The following ALDH1L2 variants were observed in gnomAD, a reference collection of about 807,000 sequenced individuals.
ALDH1L2 encodes the protein aldehyde dehydrogenase 1 family member L2.
A neutral mutation model predicts 111.0 loss-of-function variants in ALDH1L2; 91 were observed. The ratio of observed to expected loss-of-function variants is 0.82; its 90% CI spans 0.69 to 0.98. The LOEUF is 0.98. ALDH1L2 is among the 50% of genes least tolerant of loss of function. ALDH1L2 has a pLI of 0.00. For synonymous variants in ALDH1L2, 374 were observed against 392.6 expected (o/e 0.95, Z 0.56); for missense variants, 995 against 1,126.8 (o/e 0.88, Z 1.67).
intron 2 of ALDH1L2, among the ~76,000 whole-genome samples, chr12:105,071,321 C>T (rs1877672109): frequency 6.6e-6 from 1 of 151,956 alleles, no homozygotes; most frequent in African/African-American, 2.4e-5. Flanking sequence ...CTTCCTTCTC[C>T]CAAATTCACC....
intron 16 of ALDH1L2, 24 bp from the exon 17 acceptor site, chr12:105,039,830 G>A (rs749112087): frequency 1.4e-5 from 23 of 1,607,660 alleles, no homozygotes; most frequent in Non-Finnish European, 1.8e-5. Flanking sequence ...GAATAAAACG[G>A]GAATTAAAAC....
chr12:105,067,215 C>CAAAA (rs11334156), intron 4 of ALDH1L2, among the ~76,000 whole-genome samples: 66 of 96,896 alleles, frequency 6.8e-4, no homozygotes, highest in Non-Finnish European at 9.5e-4. Context: ...GACTCTGTCT[C>CAAAA]AAAAAAAAAA....
At position 105,061,038 on chromosome 12, in the gene ALDH1L2, A is replaced by G. The variant is rs768239054; in HGVS notation, c.1082T>C (p.Ile361Thr). 34 of 1,614,026 alleles carry G rather than the reference A, an allele frequency of 2.1e-5. No individual in the cohort carries two copies. Among genetic ancestry groups the G allele is most frequent in the Non-Finnish European group, 2.8e-5 (33 of 1,179,934 alleles). ...IWAGILSNVP[I>T]IEDSTDFFKS... ...AAAGAAGTCTGTTGAGTCTTCAATA[A>G]TGGGGACATTGCTTAAAATTCCAGC... The change falls in exon 9 of 23, where the codon ATT becomes ACT. Residue 361 changes from isoleucine to threonine, a missense_variant. Transcript: ENST00000258494.
Position 105,084,422 on chromosome 12 carries a change from G to A in ALDH1L2, c.15C>T (p.Gly5=), listed in dbSNP as rs1245883879. 3.3e-6 allele frequency: 5 copies of A among 1,493,086 alleles called. No homozygotes were observed. The East Asian group carries it at 1.4e-4, about 42-fold the overall frequency. The allele number at this position is 1,493,086 out of a possible 1,614,324, so 92.5% of individuals were successfully genotyped here. ...TGGAGAAGCGCCGGAGCGCCTGGCT[G>A]CCCCGCCGCAGCATGCTGGAGAGGA... The part of the protein sequence containing the change: MLRR[G]SQALRRFSTG... The change falls in exon 1 of 23, where the codon GGC becomes GGT. Residue 5 remains glycine (G), a synonymous_variant. Coordinates refer to ENST00000258494, the MANE Select transcript of ALDH1L2 (RefSeq NM_001034173.4).
intron 12 of ALDH1L2, among the ~76,000 whole-genome samples, chr12:105,051,523 T>G (rs1289669172): frequency 6.6e-6 from 1 of 152,186 alleles, no homozygotes; most frequent in Non-Finnish European, 1.5e-5. Flanking sequence ...CCTGCCTGGA[T>G]GTTTCAGTAT....
intron 9 of ALDH1L2, among the ~76,000 whole-genome samples, chr12:105,059,823 A>T (rs1876880580): frequency 6.6e-6 from 1 of 152,232 alleles, no homozygotes; most frequent in African/African-American, 2.4e-5. Context: ...TTTTATCAAG[A>T]GGAGGAACAT....
At chr12:105,028,568 A>G (rs1213317823) in intron 21 of ALDH1L2, among the ~76,000 whole-genome samples, 2 of 152,234 alleles carry the variant, frequency 1.3e-5, no homozygotes. Context: ...CCAAAATTTT[A>G]AACTTGCACA....
intron 1 of ALDH1L2, among the ~76,000 whole-genome samples, chr12:105,082,048 G>T (rs747771726): frequency 1.4e-4 from 22 of 152,100 alleles, no homozygotes; most frequent in Non-Finnish European, 2.8e-4. Flanking sequence ...ACAAAAATTA[G>T]CTGGGCATGG....
At chr12:105,024,507 C>T (rs372774195) in intron 22 of ALDH1L2, 28 bp from the exon 23 acceptor site, 3 of 1,609,114 alleles carry the variant, frequency 1.9e-6, no homozygotes, top group Non-Finnish European at 2.6e-6. Flanking sequence ...AGTTGACAGA[C>T]CACATTCAGA....
At position 105,055,256 on chromosome 12, in the gene ALDH1L2, G is replaced by A. The variant is rs191617206; in HGVS notation, c.1288-2325C>T. Among the ~76,000 whole-genome samples, 559 of 152,292 alleles carry A rather than the reference G, an allele frequency of 3.7e-3. 3 individuals are homozygous for A. The highest frequency in any genetic ancestry group is 0.012 in the African/African-American group (511 of 41,558). On this transcript the variant is annotated intron_variant, in intron 10 of 22. Coordinates refer to ENST00000258494, the MANE Select transcript of ALDH1L2 (RefSeq NM_001034173.4). ...CACAGAGCCCCCTCACAAATGCTGG[G>A]AGACTTATTGGCTCAAGGTGTCTAA...
chr12:105,068,806 A>G lies in ALDH1L2; in HGVS notation c.507T>C (p.Leu169=). The G allele has an allele frequency of 6.2e-7, 1 of 1,610,290 alleles. No individual in the cohort carries two copies. The change falls in exon 4 of 23, where the codon CTT becomes CTC. Residue 169 remains leucine, a synonymous_variant. Transcript: ENST00000258494. ...ADDGLDTGPI[L]LQRSCDVEPN... ...GTTCAACATCACATGATCTCTGAAG[A>G]AGGATGGGTCCTGTATCCAAGCCAT...
intron 21 of ALDH1L2, among the ~76,000 whole-genome samples, chr12:105,028,413 A>T (rs1345507072): frequency 1.3e-5 from 2 of 152,178 alleles, no homozygotes; most frequent in African/African-American, 4.8e-5. Flanking sequence ...GCGCCTGGCC[A>T]AGCCAGGTAT....
At chr12:105,058,743 C>T (rs1428324260) in intron 9 of ALDH1L2, among the ~76,000 whole-genome samples, 1 of 152,162 alleles carries the variant, frequency 6.6e-6, no homozygotes, top group Admixed American at 6.5e-5. Flanking sequence ...TTGATTTCCA[C>T]TGTTAGTTTG....
At chr12:105,052,786 A>T in intron 11 of ALDH1L2, 26 bp downstream of exon 11, 2 of 1,612,958 alleles carry the variant, frequency 1.2e-6, no homozygotes, top group South Asian at 2.2e-5. Context: ...ACCAGTGATC[A>T]CTACTCACAC....
At chr12:105,036,847 A>C (rs1210579080) in intron 18 of ALDH1L2, among the ~76,000 whole-genome samples, 1 of 152,226 alleles carries the variant, frequency 6.6e-6, no homozygotes, top group East Asian at 1.9e-4. Flanking sequence ...TAACCCAGAC[A>C]TCCAGGGGAG....
At chr12:105,068,436 G>A (rs1468982469) in intron 4 of ALDH1L2, among the ~76,000 whole-genome samples, 2 of 151,864 alleles carry the variant, frequency 1.3e-5, no homozygotes, top group East Asian at 3.9e-4. Flanking sequence ...TTATAGGCAG[G>A]GTTGAAGATT....
At chr12:105,053,518 GA>G (rs1316984179) in intron 10 of ALDH1L2, among the ~76,000 whole-genome samples, 4 of 152,108 alleles carry the variant, frequency 2.6e-5, no homozygotes, top group Non-Finnish European at 4.4e-5. Context: ...TTACTGTGAG[GA>G]AAAACTGAGG....
At position 105,073,233 on chromosome 12, in the gene ALDH1L2, T is replaced by C. The variant is rs187444878; in HGVS notation, c.193+628A>G. Among the ~76,000 whole-genome samples, 486 of 152,330 alleles carry C rather than the reference T, an allele frequency of 3.2e-3. 6 individuals carry two copies. Among genetic ancestry groups the C allele is most frequent in the African/African-American group, 0.01 (427 of 41,572 alleles). On this transcript the variant is annotated intron_variant, in intron 2 of 22. Coordinates refer to ENST00000258494, the MANE Select transcript of ALDH1L2 (RefSeq NM_001034173.4). The stretch of plus-strand genomic sequence containing the variant: ...TGAGGCTTAGTAAGATTAAGTAACT[T>C]GCCCAAGGTCATACAGCTAGTAAGT...
Position 105,053,014 on chromosome 12 carries a change from G to A in ALDH1L2, c.1288-83C>T, listed in dbSNP as rs928325717. 2.1e-5 allele frequency: 31 copies of A among 1,470,348 alleles called. No individual in the cohort carries two copies. In the African/African-American group the frequency reaches 3.6e-4, roughly 17 times the overall value. 91.1% of individuals were successfully genotyped at this position (1,470,348 alleles called of 1,614,324 possible). On this transcript the variant is annotated intron_variant, in intron 10 of 22. Transcript: ENST00000258494. ...AACAGCAATAAAGAAGCATATTCAC[G>A]AATGCAGAGGGAGAAGTCAATGACA...
Sources: allele counts gnomAD v4.1 joint callset (sites outside exome capture counted in the v4.1 genomes callset), GRCh38; gene constraint gnomAD v4.1.1; transcripts MANE v1.5; gene names NCBI Gene and HGNC (gene_info 2026-07-23, HGNC 2026-07-21).